PDE7B: variants seen among roughly 807,000 people sequenced by gnomAD.
PDE7B encodes 3',5'-cyclic-AMP phosphodiesterase 7B.
Under a neutral mutation model 56.2 loss-of-function variants are expected in PDE7B, and 29 were observed. The observed-to-expected ratio is 0.52, with a 90% CI of 0.38 to 0.70. The LOEUF is 0.70. Among genes scored for constraint, PDE7B ranks in the 30% least tolerant of loss-of-function variants. The probability of loss-of-function intolerance (pLI) is 0.00; values close to 1 mark genes in which losing one functional copy is unlikely to be tolerated. For synonymous variants in PDE7B, 197 were observed against 196.9 expected (o/e 1.00, Z 0.00); for missense variants, 490 against 565.0 (o/e 0.87, Z 1.35).
chr6:135,922,852 G>C (rs1437360903), intron 1 of PDE7B, among the ~76,000 whole-genome samples: 4 of 152,134 alleles, frequency 2.6e-5, no homozygotes. Flanking sequence ...TTATAGACTT[G>C]ATGAGGCAGA....
At chr6:136,106,725 A>G (rs891777598) in intron 2 of PDE7B, among the ~76,000 whole-genome samples, 4 of 152,200 alleles carry the variant, frequency 2.6e-5, no homozygotes, top group African/African-American at 9.6e-5. Context: ...GAAGATAAAT[A>G]TACTGTCATG....
At chr6:135,946,130 C>G (rs185109094) in intron 1 of PDE7B, among the ~76,000 whole-genome samples, 18 of 151,796 alleles carry the variant, frequency 1.2e-4, no homozygotes, top group Admixed American at 5.3e-4. Flanking sequence ...CAGATATTTT[C>G]AACTTCATAA....
At position 136,179,147 on chromosome 6, in the gene PDE7B, C is replaced by T. The variant is rs570378356; in HGVS notation, c.948+6C>T. ...ACAGGCACTTTATGCTTCAGGTAAA[C>T]GAAACAATAAAAGCCATTCTTTTTG... On this transcript the variant is annotated splice_donor_region_variant and intron_variant, in intron 10 of 12. Transcript: ENST00000308191. The T allele has an allele frequency of 1.0e-4, 163 of 1,613,104 alleles. No individual in the cohort carries two copies. Among genetic ancestry groups the T allele is most frequent in the African/African-American group, 4.7e-4 (35 of 74,954 alleles).
At chr6:135,954,535 A>G (rs368535178) in intron 2 of PDE7B, among the ~76,000 whole-genome samples, 1 of 152,306 alleles carries the variant, frequency 6.6e-6, no homozygotes. Flanking sequence ...TCCTAAGAGG[A>G]AGATTAACAT....
chr6:135,928,821 G>A (rs1456337373), intron 1 of PDE7B, among the ~76,000 whole-genome samples: 1 of 151,832 alleles, frequency 6.6e-6, no homozygotes, highest in African/African-American at 2.4e-5. Context: ...TGGGAGGGTG[G>A]GAGAGGCAGT....
At position 136,024,452 on chromosome 6, in the gene PDE7B, T is replaced by C. The variant is rs188116192; in HGVS notation, c.82+76928T>C. On this transcript the variant is annotated intron_variant, in intron 2 of 12. Coordinates refer to ENST00000308191, the MANE Select transcript of PDE7B (RefSeq NM_018945.4). The stretch of plus-strand genomic sequence containing the variant: ...TCTCCTGACCACTTCCCACCAAACA[T>C]ATATCCTTTATTTTTCCTTTCTTTT... Among the ~76,000 whole-genome samples, 640 of 152,246 alleles carry C rather than the reference T, an allele frequency of 4.2e-3. 1 individual carries two copies. Among genetic ancestry groups the C allele is most frequent in the African/African-American group, 0.013 (560 of 41,546 alleles).
intron 1 of PDE7B, among the ~76,000 whole-genome samples, chr6:135,937,320 A>G (rs1562446086): frequency 6.6e-6 from 1 of 152,188 alleles, no homozygotes; most frequent in African/African-American, 2.4e-5. Flanking sequence ...GCTTGTGCCC[A>G]ATCACTAAAT....
At chr6:135,891,485 T>A (rs748597507) in intron 1 of PDE7B, among the ~76,000 whole-genome samples, 2 of 152,154 alleles carry the variant, frequency 1.3e-5, no homozygotes, top group Non-Finnish European at 2.9e-5. Flanking sequence ...AAGGCAACCT[T>A]CAGGAGCATT....
chr6:136,014,952 T>C (rs1027126744), intron 2 of PDE7B, among the ~76,000 whole-genome samples: 1 of 152,192 alleles, frequency 6.6e-6, no homozygotes, highest in Non-Finnish European at 1.5e-5. Context: ...AAATACCCTA[T>C]GAGAGCTGCA....
At chr6:135,952,702 A>G (rs1450316079) in intron 2 of PDE7B, among the ~76,000 whole-genome samples, 2 of 152,154 alleles carry the variant, frequency 1.3e-5, no homozygotes, top group Non-Finnish European at 2.9e-5. Context: ...TGGATGCAAG[A>G]CCACTCTCAA....
At chr6:135,917,414 T>A (rs922450685) in intron 1 of PDE7B, among the ~76,000 whole-genome samples, 2 of 152,170 alleles carry the variant, frequency 1.3e-5, no homozygotes, top group Non-Finnish European at 2.9e-5. Context: ...CGTAGGATAT[T>A]ATATTTTTTA....
chr6:136,186,661 G>A (rs1402032991), intron 11 of PDE7B, among the ~76,000 whole-genome samples: 1 of 152,200 alleles, frequency 6.6e-6, no homozygotes, highest in African/African-American at 2.4e-5. Flanking sequence ...GAAAGTAGAG[G>A]AGGGAGAAGG....
At chr6:135,928,449 T>TTATATATA (rs1394319342) in intron 1 of PDE7B, among the ~76,000 whole-genome samples, 1 of 87,928 alleles carries the variant, frequency 1.1e-5, no homozygotes, top group East Asian at 3.5e-4. Flanking sequence ...ATATATATAT[T>TTATATATA]TATTTATATA....
chr6:136,031,611 C>T (rs9373159), intron 2 of PDE7B, among the ~76,000 whole-genome samples: 21,070 of 149,622 alleles, frequency 0.14, 2,902 homozygotes, highest in African/African-American at 0.35. Flanking sequence ...TAGTGGCGGG[C>T]GCCTGTAGTC....
At chr6:136,180,371 T>C (rs1240843072) in intron 10 of PDE7B, among the ~76,000 whole-genome samples, 1 of 152,242 alleles carries the variant, frequency 6.6e-6, no homozygotes, top group East Asian at 1.9e-4. Context: ...CTAACTCAAA[T>C]GCATTCCTTA....
intron 2 of PDE7B, among the ~76,000 whole-genome samples, chr6:136,031,018 G>A (rs9321551): frequency 0.28 from 42,332 of 152,248 alleles, 6,887 homozygotes; most frequent in Admixed American, 0.4. Flanking sequence ...AACAAGCTAT[G>A]GTTCAATGTC....
At chr6:135,894,615 C>T (rs1014573067) in intron 1 of PDE7B, among the ~76,000 whole-genome samples, 10 of 152,146 alleles carry the variant, frequency 6.6e-5, no homozygotes, top group Non-Finnish European at 1.2e-4. Context: ...ACATTCTCTC[C>T]ATCCAAGGCA....
At chr6:135,999,783 A>T (rs979705711) in intron 2 of PDE7B, among the ~76,000 whole-genome samples, 1 of 152,146 alleles carries the variant, frequency 6.6e-6, no homozygotes, top group African/African-American at 2.4e-5. Context: ...ATAGCCAGTA[A>T]TGAGATTGCT....
chr6:136,171,548 G>A (rs1778881216), intron 8 of PDE7B, among the ~76,000 whole-genome samples: 1 of 152,132 alleles, frequency 6.6e-6, no homozygotes, highest in African/African-American at 2.4e-5. Flanking sequence ...TGTGAGGCTT[G>A]CCTCCATTCA....
Sources: gnomAD v4.1 joint callset for allele counts (sites outside exome capture counted in the v4.1 genomes callset) on GRCh38, gnomAD v4.1.1 for gene constraint, MANE v1.5 for transcripts, NCBI Gene and HGNC (gene_info 2026-07-23, HGNC 2026-07-21) for gene names.